SEMA5A: variants seen among roughly 807,000 people sequenced by gnomAD.
SEMA5A encodes semaphorin 5A, also known as semaphorin-5A.
Under a neutral mutation model 135.5 loss-of-function variants are expected in SEMA5A, and 55 were observed. The observed-to-expected ratio is 0.41, with a 90% CI of 0.33 to 0.51. The LOEUF (loss-of-function observed/expected upper bound fraction) is 0.51. Ranked by LOEUF, SEMA5A falls within the 20% of genes least tolerant of loss-of-function variation. The probability of loss-of-function intolerance (pLI) is 0.37; values close to 1 mark genes in which losing one functional copy is unlikely to be tolerated. For synonymous variants in SEMA5A, 580 were observed against 546.5 expected (o/e 1.06, Z -0.85); for missense variants, 1,290 against 1,419.9 (o/e 0.91, Z 1.47).
intron 1 of SEMA5A, among the ~76,000 whole-genome samples, chr5:9,518,871 T>G (rs1166709134): frequency 6.6e-6 from 1 of 152,112 alleles, no homozygotes; most frequent in Non-Finnish European, 1.5e-5. Flanking sequence ...TAGCCCAGAA[T>G]GACATGTTTA....
At chr5:9,477,692 C>G (rs1327034286) in intron 1 of SEMA5A, among the ~76,000 whole-genome samples, 1 of 152,138 alleles carries the variant, frequency 6.6e-6, no homozygotes, top group African/African-American at 2.4e-5. Context: ...ACAAATTACT[C>G]AAGATGTGAC....
chr5:9,133,099 G>A (rs1202996665), intron 13 of SEMA5A, among the ~76,000 whole-genome samples: 3 of 152,148 alleles, frequency 2.0e-5, no homozygotes, highest in Non-Finnish European at 4.4e-5. Flanking sequence ...ACAACCAGTG[G>A]CATATCAGAA....
chr5:9,482,615 G>GATC (rs1431579125), intron 1 of SEMA5A, among the ~76,000 whole-genome samples: 1 of 152,206 alleles, frequency 6.6e-6, no homozygotes, highest in African/African-American at 2.4e-5. Flanking sequence ...TACCTGTGGT[G>GATC]TGTGCCAATT....
In SEMA5A at chr5:9,130,787, G is replaced by A. The variant is rs370114972; in HGVS notation, c.1599+5717C>T. ...TAAGCATCATCTGTTGGTGATGACCGTGTCACCCCTGCTTTGGAAAGACGT... is the reference window on the plus strand; with the variant it reads ...TAAGCATCATCTGTTGGTGATGACCATGTCACCCCTGCTTTGGAAAGACGT... On this transcript the variant is annotated intron_variant, in intron 13 of 22. Coordinates refer to ENST00000382496, the MANE Select transcript of SEMA5A (RefSeq NM_003966.3). Among the ~76,000 whole-genome samples the A allele has an allele frequency of 4.9e-4, 75 of 152,230 alleles. 1 individual carries two copies. The highest frequency in any genetic ancestry group is 2.2e-3 in the Admixed American group (34 of 15,294).
intron 12 of SEMA5A, among the ~76,000 whole-genome samples, chr5:9,138,015 A>G (rs949762392): frequency 2.6e-5 from 4 of 152,230 alleles, no homozygotes; most frequent in African/African-American, 9.6e-5. Context: ...TTTACAGTTG[A>G]TAAATCTACT....
chr5:9,530,079 G>A (rs1057361604), intron 1 of SEMA5A, among the ~76,000 whole-genome samples: 5 of 152,192 alleles, frequency 3.3e-5, no homozygotes, highest in African/African-American at 1.2e-4. Context: ...GGAGGTGTGC[G>A]GGCCGCGTTA....
intron 8 of SEMA5A, among the ~76,000 whole-genome samples, chr5:9,210,564 G>A (rs1454149025): frequency 6.6e-6 from 1 of 152,198 alleles, no homozygotes; most frequent in African/African-American, 2.4e-5. Context: ...TCGGGAGAGA[G>A]AGATGGAGGC....
rs1752969935 is a variant in SEMA5A, at chr5:9,328,362, T to C, written c.224+9351A>G. ...CATCCTGCACACAATATGGTGGACG[T>C]ATCTTCCTAATGCAAATATGATTAT... On this transcript the variant is annotated intron_variant, in intron 4 of 22. Transcript: ENST00000382496. Among the ~76,000 whole-genome samples, 6 of 152,244 alleles carry C rather than the reference T, an allele frequency of 3.9e-5. No individual in the cohort carries two copies. In the South Asian group the frequency reaches 1.2e-3, roughly 32 times the overall value.
chr5:9,309,501 C>T (rs747212813), intron 5 of SEMA5A, among the ~76,000 whole-genome samples: 76 of 152,144 alleles, frequency 5.0e-4, no homozygotes, highest in Non-Finnish European at 1.0e-3. Context: ...CACTTCCTGG[C>T]ATGGCATGAT....
chr5:9,207,799 C>T (rs1168798216), intron 8 of SEMA5A, among the ~76,000 whole-genome samples: 2 of 151,936 alleles, frequency 1.3e-5, no homozygotes, highest in Non-Finnish European at 2.9e-5. Context: ...AGGTTAAAAG[C>T]TACTGGTAGG....
chr5:9,043,726 G>T (rs1260622752), intron 22 of SEMA5A, among the ~76,000 whole-genome samples: 3 of 152,220 alleles, frequency 2.0e-5, no homozygotes, highest in Non-Finnish European at 4.4e-5. Flanking sequence ...CTGGACAGCT[G>T]TCCGTACCTT....
intron 10 of SEMA5A, among the ~76,000 whole-genome samples, chr5:9,193,690 G>C (rs919021019): frequency 7.2e-5 from 11 of 152,144 alleles, no homozygotes; most frequent in Non-Finnish European, 1.5e-5. Flanking sequence ...ACGAGGTCAG[G>C]AGTTCAACAC....
intron 2 of SEMA5A, among the ~76,000 whole-genome samples, chr5:9,407,931 C>G (rs1197593837): frequency 6.6e-6 from 1 of 151,850 alleles, no homozygotes; most frequent in African/African-American, 2.4e-5. Context: ...CCATGACCAC[C>G]ATCATCATTG....
chr5:9,444,336 C>A (rs981801036), intron 1 of SEMA5A, among the ~76,000 whole-genome samples: 3 of 152,062 alleles, frequency 2.0e-5, no homozygotes, highest in Admixed American at 2.0e-4. Flanking sequence ...TTATCCCTCA[C>A]CCGCTTTCCA....
chr5:9,174,681 G>T (rs79779024), intron 11 of SEMA5A, among the ~76,000 whole-genome samples: 2,189 of 152,292 alleles, frequency 0.014, 16 homozygotes, highest in Middle Eastern at 0.031. Flanking sequence ...AAGGATGACA[G>T]GATGTGCTTA....
chr5:9,122,530 G>GA (rs1740865472), intron 14 of SEMA5A, 126 bp downstream of exon 14: 1 of 935,806 alleles, frequency 1.1e-6, no homozygotes, highest in African/African-American at 1.7e-5. Flanking sequence ...TTTAAATGGT[G>GA]AATGTCCCTG....
intron 5 of SEMA5A, among the ~76,000 whole-genome samples, chr5:9,255,356 G>A (rs1749009831): frequency 6.6e-6 from 1 of 152,160 alleles, no homozygotes; most frequent in Admixed American, 6.5e-5. Context: ...CCAAGGTGCT[G>A]ACCACATTAT....
chr5:9,434,999 GC>G (rs760314222), intron 2 of SEMA5A, among the ~76,000 whole-genome samples: 3 of 152,038 alleles, frequency 2.0e-5, no homozygotes, highest in Non-Finnish European at 4.4e-5. Context: ...AGTCAAATAT[GC>G]CTTTAAGTAT....
At chr5:9,159,855 T>C (rs569356925) in intron 11 of SEMA5A, among the ~76,000 whole-genome samples, 8 of 152,316 alleles carry the variant, frequency 5.3e-5, no homozygotes, top group African/African-American at 1.7e-4. Context: ...ATATACACCA[T>C]GGAATACTAC....
Sources: allele counts gnomAD v4.1 joint callset (sites outside exome capture counted in the v4.1 genomes callset), GRCh38; gene constraint gnomAD v4.1.1; transcripts MANE v1.5; gene names NCBI Gene and HGNC (gene_info 2026-07-23, HGNC 2026-07-21).